The following ABCC5 variants were observed in gnomAD, a reference collection of about 807,000 sequenced individuals.
The protein encoded by ABCC5 is ATP-binding cassette sub-family C member 5.
ABCC5 carries 61 observed loss-of-function variants against 160.9 expected under a neutral mutation model. That is an observed-to-expected ratio of 0.38 (90% CI 0.31 to 0.47). The LOEUF is 0.47. Among genes scored for constraint, ABCC5 ranks in the 20% least tolerant of loss-of-function variants. The pLI, the probability that ABCC5 is intolerant of heterozygous loss-of-function variation, is 0.99. For synonymous variants in ABCC5, 666 were observed against 700.6 expected, an observed-to-expected ratio of 0.95 and a Z score of 0.78; for missense variants, 1,308 against 1,813.3, an observed-to-expected ratio of 0.72 and a Z score of 5.06.
At chr3:184,001,531 C>G (rs988706731) in intron 2 of ABCC5, among the ~76,000 whole-genome samples, 3 of 152,034 alleles carry the variant, frequency 2.0e-5, no homozygotes, top group African/African-American at 7.2e-5. Flanking sequence ...TTTTGCTTGC[C>G]CAGAGGACAT....
At chr3:183,983,918 G>A (rs377407034) in intron 5 of ABCC5, 59 of 985,326 alleles carry the variant, frequency 6.0e-5, no homozygotes, top group African/African-American at 1.7e-4. Flanking sequence ...TCTGGTCTCC[G>A]ACGGTTGTTT....
chr3:183,957,829 A>T (rs1263118555), intron 17 of ABCC5, among the ~76,000 whole-genome samples: 1 of 150,706 alleles, frequency 6.6e-6, no homozygotes, highest in South Asian at 2.1e-4. Flanking sequence ...TGTATATCAC[A>T]TCTGTTACAT....
In ABCC5 at chr3:183,949,393, C is replaced by T. The variant is rs190148380; in HGVS notation, c.3227+360G>A. 7.4e-4 allele frequency among the ~76,000 whole-genome samples: 112 copies of T among 152,346 alleles called. No homozygotes were observed. The highest frequency in any genetic ancestry group is 6.8e-3 in the Middle Eastern group (2 of 294). On this transcript the variant is annotated intron_variant, in intron 22 of 29. Coordinates refer to ENST00000334444, the MANE Select transcript of ABCC5 (RefSeq NM_005688.4). The surrounding 1 kb of genome is among the most constrained non-coding windows in gnomAD (Gnocchi z 4.2). The stretch of plus-strand genomic sequence containing the variant: ...TTTTCAGGGCCAAGGCCAATAGACT[C>T]CTAATCTGTGGGGTTTGTTCCTTGT...
intron 1 of ABCC5, among the ~76,000 whole-genome samples, chr3:184,016,355 G>C (rs1275214106): frequency 6.6e-6 from 1 of 152,190 alleles, no homozygotes; most frequent in Non-Finnish European, 1.5e-5. Flanking sequence ...CAGGAGAGCA[G>C]GCAGGCCCAA....
At chr3:184,006,435 C>T (rs971112325) in intron 2 of ABCC5, 1 of 152,204 alleles carries the variant, frequency 6.6e-6, no homozygotes, top group Admixed American at 6.5e-5. Flanking sequence ...CTCCTGCTCT[C>T]CTTCCTAACA....
At chr3:184,001,093 A>C in intron 2 of ABCC5, 1 of 411,952 alleles carries the variant, frequency 2.4e-6, no homozygotes, top group African/African-American at 2.0e-5. Context: ...TCACTATAAA[A>C]AATTTAAAAG....
intron 26 of ABCC5, among the ~76,000 whole-genome samples, chr3:183,937,017 G>A (rs1196025384): frequency 6.6e-6 from 1 of 152,206 alleles, no homozygotes; most frequent in East Asian, 1.9e-4. Context: ...GAGTATCAAA[G>A]GTAGGGGAAG....
intron 2 of ABCC5, among the ~76,000 whole-genome samples, chr3:183,998,718 A>G (rs993039942): frequency 3.9e-5 from 6 of 152,282 alleles, no homozygotes; most frequent in African/African-American, 1.4e-4. Context: ...AATAAACCAT[A>G]ACTGTACAAA....
At chr3:183,971,335 T>C (rs1717716695) in intron 11 of ABCC5, among the ~76,000 whole-genome samples, 1 of 152,252 alleles carries the variant, frequency 6.6e-6, no homozygotes, top group African/African-American at 2.4e-5. Context: ...ATGTTTCATT[T>C]CCTTGCTTAT....
intron 22 of ABCC5, among the ~76,000 whole-genome samples, chr3:183,947,978 C>A (rs1442276289): frequency 6.6e-6 from 1 of 152,198 alleles, no homozygotes; most frequent in Non-Finnish European, 1.5e-5. Context: ...ATGCCGCCAC[C>A]ATGCAGAATG....
intron 25 of ABCC5, among the ~76,000 whole-genome samples, chr3:183,938,325 G>T (rs1205871481): frequency 6.6e-6 from 1 of 151,864 alleles, no homozygotes; most frequent in African/African-American, 2.4e-5. Context: ...TTGAGACGGA[G>T]TCTCACTCTG....
intron 17 of ABCC5, among the ~76,000 whole-genome samples, chr3:183,955,655 CGG>C (rs1715814061): frequency 6.9e-6 from 1 of 145,982 alleles, no homozygotes; most frequent in Non-Finnish European, 1.5e-5. Context: ...TATATCACAT[CGG>C]TTACATGCAG....
At position 183,942,930 on chromosome 3, in the gene ABCC5, G is replaced by C. The variant is rs374649112; in HGVS notation, c.3505-14C>G. The stretch of plus-strand genomic sequence containing the variant: ...CAAGGACAGAGTCTGGGGAGACAAG[G>C]GTGGCCAGTTCAGACTGACCACAGA... On this transcript the variant is annotated splice_polypyrimidine_tract_variant and intron_variant, in intron 24 of 29. Transcript: ENST00000334444. 21 of 1,603,908 alleles carry C rather than the reference G, an allele frequency of 1.3e-5. No homozygotes were observed. The highest frequency in any genetic ancestry group is 2.2e-5 in the East Asian group (1 of 44,678).
At chr3:183,924,462 C>G (rs1352559494) in intron 29 of ABCC5, among the ~76,000 whole-genome samples, 1 of 152,152 alleles carries the variant, frequency 6.6e-6, no homozygotes, top group East Asian at 1.9e-4. Context: ...CAGTGCCTGA[C>G]ACACAGTAAA....
chr3:183,954,521 C>T (rs1715686000), intron 17 of ABCC5, among the ~76,000 whole-genome samples: 1 of 152,172 alleles, frequency 6.6e-6, no homozygotes, highest in Non-Finnish European at 1.5e-5. Flanking sequence ...AGCTGTAACA[C>T]TGTAGGTAAG....
intron 10 of ABCC5, among the ~76,000 whole-genome samples, chr3:183,976,221 CTT>C (rs951690672): frequency 6.6e-6 from 1 of 151,476 alleles, no homozygotes; most frequent in Non-Finnish European, 1.5e-5. Flanking sequence ...CTTTTTCTTT[CTT>C]CTCTTTTTGT....
chr3:183,990,200 C>T (rs2108872178), intron 2 of ABCC5, among the ~76,000 whole-genome samples: 1 of 152,194 alleles, frequency 6.6e-6, no homozygotes, highest in Admixed American at 6.5e-5. Context: ...TCTCAGCCTC[C>T]CCGGTTCAAG....
At chr3:183,994,193 G>A (rs1454948706) in intron 2 of ABCC5, among the ~76,000 whole-genome samples, 1 of 151,968 alleles carries the variant, frequency 6.6e-6, no homozygotes, top group Non-Finnish European at 1.5e-5. Flanking sequence ...GACTTCAAGT[G>A]GAGATCTCAC....
At chr3:183,955,793 C>A (rs1349984516) in intron 17 of ABCC5, among the ~76,000 whole-genome samples, 1 of 143,064 alleles carries the variant, frequency 7.0e-6, no homozygotes, top group Non-Finnish European at 1.5e-5. Flanking sequence ...CTGTTACATG[C>A]AGATCCATGT....
Sources: gnomAD v4.1 joint callset for allele counts (sites outside exome capture counted in the v4.1 genomes callset) on GRCh38, gnomAD v4.1.1 for gene constraint, Gnocchi (gnomAD v3.1) non-coding constraint, MANE v1.5 for transcripts, NCBI Gene and HGNC (gene_info 2026-07-23, HGNC 2026-07-21) for gene names.